The following LRP1B variants were observed in gnomAD, a reference collection of about 807,000 sequenced individuals.
The protein encoded by LRP1B is low-density lipoprotein receptor-related protein 1B.
LRP1B carries 217 observed loss-of-function variants against 556.6 expected under a neutral mutation model. The ratio of observed to expected loss-of-function variants is 0.39; its 90% CI spans 0.35 to 0.44. The LOEUF is 0.44. LRP1B is among the 20% of genes least tolerant of loss of function. The probability of loss-of-function intolerance (pLI) is 1.00; values close to 1 mark genes in which losing one functional copy is unlikely to be tolerated. For synonymous variants in LRP1B, 2,047 were observed against 1,865.8 expected (o/e 1.10, Z -2.50); for missense variants, 5,053 against 5,620.8 (o/e 0.90, Z 3.23).
At chr2:141,271,931 C>T (rs1685108083) in intron 3 of LRP1B, among the ~76,000 whole-genome samples, 1 of 151,728 alleles carries the variant, frequency 6.6e-6, no homozygotes, top group East Asian at 1.9e-4. Context: ...AATAGATTTG[C>T]CAATAATAGC....
intron 41 of LRP1B, among the ~76,000 whole-genome samples, chr2:140,630,460 C>T (rs749179279): frequency 7.2e-5 from 11 of 152,182 alleles, no homozygotes; most frequent in Non-Finnish European, 1.6e-4. Context: ...CAGGTAACCA[C>T]AGCTGAGATC....
intron 7 of LRP1B, chr2:141,167,152 TCTCA>T (rs762577506): frequency 1.3e-5 from 2 of 152,066 alleles, no homozygotes; most frequent in East Asian, 1.9e-4. Context: ...CCCATAAACC[TCTCA>T]ATCAAAATCC....
chr2:140,252,677 C>T (rs1681496326), intron 86 of LRP1B, among the ~76,000 whole-genome samples: 2 of 151,874 alleles, frequency 1.3e-5, no homozygotes, highest in Admixed American at 1.3e-4. Flanking sequence ...CAAATAAATG[C>T]AATTTTTTTC....
chr2:141,354,183 A>G (rs186669187), intron 3 of LRP1B, among the ~76,000 whole-genome samples: 2 of 152,128 alleles, frequency 1.3e-5, no homozygotes, highest in Non-Finnish European at 2.9e-5. Context: ...CTATATAACG[A>G]ATGTGCACAT....
chr2:141,255,501 A>G (rs1684426917), intron 3 of LRP1B, among the ~76,000 whole-genome samples: 1 of 152,070 alleles, frequency 6.6e-6, no homozygotes. Context: ...TAAAAGCCCA[A>G]TATGTAAAAG....
At chr2:141,170,291 G>A (rs541436867) in intron 7 of LRP1B, among the ~76,000 whole-genome samples, 6 of 152,116 alleles carry the variant, frequency 3.9e-5, no homozygotes, top group Admixed American at 1.3e-4. Context: ...TAATCCCCTC[G>A]TTGTTTGATT....
At chr2:140,262,087 A>G (rs2104928378) in intron 86 of LRP1B, among the ~76,000 whole-genome samples, 1 of 152,156 alleles carries the variant, frequency 6.6e-6, no homozygotes, top group South Asian at 2.1e-4. Context: ...AGATCAGAAG[A>G]AAATGAAATA....
At chr2:140,864,285 G>T (rs912284912) in intron 27 of LRP1B, among the ~76,000 whole-genome samples, 4 of 151,672 alleles carry the variant, frequency 2.6e-5, no homozygotes, top group Non-Finnish European at 4.4e-5. Context: ...TAGGCGAGTA[G>T]GTAAGACAGA....
chr2:142,047,081 T>C (rs1368832737), intron 1 of LRP1B, among the ~76,000 whole-genome samples: 1 of 152,026 alleles, frequency 6.6e-6, no homozygotes, highest in African/African-American at 2.4e-5. Flanking sequence ...AAGCTTTGTA[T>C]GGAGATGGAT....
intron 2 of LRP1B, among the ~76,000 whole-genome samples, chr2:141,640,304 T>C (rs1689283479): frequency 6.6e-6 from 1 of 152,198 alleles, no homozygotes; most frequent in Non-Finnish European, 1.5e-5. Context: ...CTGAACATAC[T>C]TTTATATTCT....
At chr2:141,249,990 C>G (rs1684203360) in intron 4 of LRP1B, among the ~76,000 whole-genome samples, 1 of 151,958 alleles carries the variant, frequency 6.6e-6, no homozygotes, top group Admixed American at 6.6e-5. Context: ...TTTGGGACTC[C>G]TGTAAATAAT....
chr2:140,259,971 C>A (rs546702993), intron 86 of LRP1B, among the ~76,000 whole-genome samples: 14 of 151,978 alleles, frequency 9.2e-5, no homozygotes, highest in African/African-American at 3.1e-4. Context: ...TATGAAGAAC[C>A]ATTTTCCCCA....
chr2:141,979,472 A>G (rs1004179162), intron 1 of LRP1B, among the ~76,000 whole-genome samples: 2 of 152,088 alleles, frequency 1.3e-5, no homozygotes, highest in African/African-American at 4.8e-5. Flanking sequence ...GCTAGGTAGA[A>G]CCACTTTTTA....
At chr2:141,891,661 T>A (rs1378443013) in intron 1 of LRP1B, among the ~76,000 whole-genome samples, 1 of 152,280 alleles carries the variant, frequency 6.6e-6, no homozygotes, top group South Asian at 2.1e-4. Flanking sequence ...TGATAAATAA[T>A]GTTGATATTA....
intron 3 of LRP1B, chr2:141,286,761 T>C: frequency 2.3e-6 from 1 of 442,386 alleles, no homozygotes; most frequent in Non-Finnish European, 4.6e-6. Flanking sequence ...ACATTGTACA[T>C]TTGTACTTGT....
At position 140,279,383 on chromosome 2, in the gene LRP1B, C is replaced by A. The variant is rs562108945; in HGVS notation, c.12968-4785G>T. Reference sequence around the variant, plus strand: ...CTAAACTGGGTGATTCAAACAAAGCCCAGGTTTTCTGTAATTGACTCAGAG... The same window carrying A: ...CTAAACTGGGTGATTCAAACAAAGCACAGGTTTTCTGTAATTGACTCAGAG... On this transcript the variant is annotated intron_variant, in intron 84 of 90. Coordinates refer to ENST00000389484, the MANE Select transcript of LRP1B (RefSeq NM_018557.3). 2.0e-5 allele frequency among the ~76,000 whole-genome samples: 3 copies of A among 151,914 alleles called. No homozygotes were observed. The East Asian group carries it at 5.9e-4, about 30-fold the overall frequency.
At chr2:141,096,629 G>GGAGAGGGAGAGAGAGAGA (rs1700318285) in intron 7 of LRP1B, among the ~76,000 whole-genome samples, 2 of 59,744 alleles carry the variant, frequency 3.3e-5, no homozygotes, top group African/African-American at 1.5e-4. Context: ...GGGGAGAGGG[G>GGAGAGGGAGAGAGAGAGA]GAGAGAGAGA....
intron 1 of LRP1B, among the ~76,000 whole-genome samples, chr2:142,124,892 T>C (rs1292368496): frequency 9.5e-6 from 1 of 105,000 alleles, no homozygotes; most frequent in Admixed American, 9.2e-5. Context: ...CAGTCTTACT[T>C]TTTTTTTTTA....
chr2:140,454,140 T>G (rs1686993297), intron 62 of LRP1B, among the ~76,000 whole-genome samples: 1 of 152,064 alleles, frequency 6.6e-6, no homozygotes, highest in Non-Finnish European at 1.5e-5. Flanking sequence ...CTTTTTTTCT[T>G]TCTTTTTTTA....
Sources: allele counts gnomAD v4.1 joint callset (sites outside exome capture counted in the v4.1 genomes callset), GRCh38; gene constraint gnomAD v4.1.1; transcripts MANE v1.5; gene names NCBI Gene and HGNC (gene_info 2026-07-23, HGNC 2026-07-21).